The following ATG4A variants were observed in gnomAD, a reference collection of about 807,000 sequenced individuals.
ATG4A encodes the protein cysteine protease ATG4A.
ATG4A carries 22 observed loss-of-function variants against 38.4 expected under a neutral mutation model. That is an observed-to-expected ratio of 0.57 (90% confidence interval 0.41 to 0.82). ATG4A has a LOEUF of 0.82. Among genes scored for constraint, ATG4A ranks in the 40% least tolerant of loss-of-function variants. ATG4A has a pLI of 0.00. For synonymous variants in ATG4A, 86 were observed against 100.7 expected (o/e 0.85, Z 0.88); for missense variants, 220 against 290.0 (o/e 0.76, Z 1.75).
At chrX:108,136,672 C>T (rs1184722923) in intron 6 of ATG4A, among the ~76,000 whole-genome samples, 4 of 112,099 alleles carry the variant, frequency 3.6e-5, no homozygotes, top group Admixed American at 9.4e-5. Flanking sequence ...CTATTTTTTA[C>T]GGACAGCTTC....
chrX:108,140,822 G>A (rs2033225906), intron 9 of ATG4A, among the ~76,000 whole-genome samples: 1 of 94,367 alleles, frequency 1.1e-5, no homozygotes, highest in African/African-American at 3.9e-5. Flanking sequence ...TATATAAAAT[G>A]TATTACATAT....
intron 1 of ATG4A, among the ~76,000 whole-genome samples, chrX:108,113,460 G>T (rs1206535446): frequency 9.0e-6 from 1 of 111,005 alleles, no homozygotes; most frequent in Non-Finnish European, 1.9e-5. Context: ...TTTGTTATGG[G>T]GCTCATGATG....
At chrX:108,124,849 A>C (rs191768694) in intron 1 of ATG4A, among the ~76,000 whole-genome samples, 2 of 112,064 alleles carry the variant, frequency 1.8e-5, no homozygotes, top group Non-Finnish European at 3.8e-5. Flanking sequence ...AAAATAAAAT[A>C]AAACAATTTA....
intron 1 of ATG4A, among the ~76,000 whole-genome samples, chrX:108,104,560 T>C (rs2032115238): frequency 9.0e-6 from 1 of 111,605 alleles, no homozygotes; most frequent in African/African-American, 3.3e-5. Context: ...TTTCTTTTGC[T>C]GCTTTCAAAA....
intron 9 of ATG4A, among the ~76,000 whole-genome samples, chrX:108,139,277 G>T (rs56165801): frequency 0.35 from 38,526 of 110,757 alleles, 5,285 homozygotes; most frequent in Non-Finnish European, 0.42. Context: ...TCAGGAAAAA[G>T]ATATCAATAT....
chrX:108,102,986 C>T (rs1385688087), intron 1 of ATG4A, among the ~76,000 whole-genome samples: 2 of 110,392 alleles, frequency 1.8e-5, no homozygotes, highest in Non-Finnish European at 3.8e-5. Flanking sequence ...TGCTCTCCCT[C>T]CTCCTCCCCC....
At chrX:108,150,102 G>A in intron 9 of ATG4A, 50 bp from the exon 10 acceptor site, 1 of 1,193,263 alleles carries the variant, frequency 8.4e-7, no homozygotes, top group Middle Eastern at 2.3e-4. Context: ...AACAGCAGTG[G>A]GCCAGGACCG....
chrX:108,130,427 A>C (rs1242818941), intron 3 of ATG4A, among the ~76,000 whole-genome samples: 1 of 112,693 alleles, frequency 8.9e-6, no homozygotes, highest in African/African-American at 3.2e-5. Context: ...TTTTCTTTGC[A>C]TAAGGTGTTC....
intron 11 of ATG4A, 45 bp from the exon 12 acceptor site, chrX:108,152,934 T>C (rs1485251945): frequency 1.0e-6 from 1 of 1,000,838 alleles, no homozygotes; most frequent in Non-Finnish European, 1.4e-6. Flanking sequence ...CAATTAGAAA[T>C]GTTGTGACTC....
intron 1 of ATG4A, among the ~76,000 whole-genome samples, chrX:108,115,002 C>T (rs2032463854): frequency 1.8e-5 from 2 of 111,241 alleles, no homozygotes; most frequent in South Asian, 7.6e-4. Flanking sequence ...ATATAGGTAG[C>T]ATTCTGCAGT....
intron 3 of ATG4A, among the ~76,000 whole-genome samples, chrX:108,129,877 T>G (rs1039672142): frequency 1.4e-3 from 154 of 108,420 alleles, no homozygotes; most frequent in African/African-American, 5.0e-3. Context: ...GCCCTTTTTT[T>G]TTTTTTTTTT....
rs2033266905 is a variant in ATG4A, at chrX:108,141,071, C to CGTAT, written c.814+2880_814+2881insGTAT. Among the ~76,000 whole-genome samples the CGTAT allele has an allele frequency of 6.6e-4, 23 of 35,045 alleles. 1 individual carries two copies. Among genetic ancestry groups the CGTAT allele is most frequent in the Admixed American group, 5.7e-3 (13 of 2,262 alleles). The allele number at this position is 35,045 out of a possible 115,157, so 30.4% of individuals were successfully genotyped here. On this transcript the variant is annotated intron_variant, in intron 9 of 12. Transcript: ENST00000372232. ...ATACATATATACGTGTATATATATACATATATATATATATATATATATATA... is the reference window on the plus strand; with the variant it reads ...ATACATATATACGTGTATATATATACGTATATATATATATATATATATATATATA...
chrX:108,112,022 A>C (rs1180827037), intron 1 of ATG4A, among the ~76,000 whole-genome samples: 1 of 110,973 alleles, frequency 9.0e-6, no homozygotes, highest in Non-Finnish European at 1.9e-5. Context: ...TCTTGTGGGC[A>C]CATACTAGGG....
chrX:108,125,344 G>A (rs944380657), intron 1 of ATG4A, among the ~76,000 whole-genome samples: 3 of 110,141 alleles, frequency 2.7e-5, no homozygotes, highest in African/African-American at 9.9e-5. Context: ...CAGGGAGAAA[G>A]GCCAAATTTC....
At chrX:108,116,375 T>TG (rs1334984219) in intron 1 of ATG4A, among the ~76,000 whole-genome samples, 1 of 111,162 alleles carries the variant, frequency 9.0e-6, no homozygotes, top group Admixed American at 9.6e-5. Flanking sequence ...GAGGGTGAGG[T>TG]GGTTGTAAAC....
At chrX:108,113,241 C>T (rs2032412313) in intron 1 of ATG4A, among the ~76,000 whole-genome samples, 1 of 112,032 alleles carries the variant, frequency 8.9e-6, no homozygotes, top group East Asian at 2.8e-4. Context: ...CACACTGCAG[C>T]GCTCTCCAAT....
At chrX:108,120,448 C>G (rs2032619715) in intron 1 of ATG4A, among the ~76,000 whole-genome samples, 1 of 112,027 alleles carries the variant, frequency 8.9e-6, no homozygotes, top group Non-Finnish European at 1.9e-5. Flanking sequence ...TCCCCATAGA[C>G]GTTTCCAAAT....
At chrX:108,152,878 T>C in intron 11 of ATG4A, 101 bp from the exon 12 acceptor site, 1 of 586,501 alleles carries the variant, frequency 1.7e-6, no homozygotes, top group Admixed American at 2.7e-5. Flanking sequence ...TGTTTTCACC[T>C]GGAAACCAGC....
At chrX:108,130,892 T>C (rs1018062818) in intron 3 of ATG4A, among the ~76,000 whole-genome samples, 2 of 111,774 alleles carry the variant, frequency 1.8e-5, no homozygotes, top group African/African-American at 3.3e-5. Context: ...GCAAGTGAGC[T>C]ATGCAAGGCA....
Sources: allele counts gnomAD v4.1 joint callset (sites outside exome capture counted in the v4.1 genomes callset), GRCh38; gene constraint gnomAD v4.1.1; transcripts MANE v1.5; gene names NCBI Gene and HGNC (gene_info 2026-07-23, HGNC 2026-07-21).